GALNT11: variants seen among roughly 807,000 people sequenced by gnomAD.
GALNT11 encodes UDP-GalNAc:polypeptide N-acetylgalactosaminyltransferase 11.
In GALNT11, 47 loss-of-function variants were observed where a neutral mutation model predicts 72.7. That is an observed-to-expected ratio of 0.65 (90% CI 0.51 to 0.82). The LOEUF is 0.82. Ranked by LOEUF, GALNT11 falls within the 40% of genes least tolerant of loss-of-function variation. The pLI is 0.00. For missense variants in GALNT11, 677 were observed against 778.4 expected (o/e 0.87, Z 1.55); for synonymous variants, 270 against 286.6 (o/e 0.94, Z 0.58).
chr7:152,096,592 G>A (rs190276790), intron 2 of GALNT11, among the ~76,000 whole-genome samples: 32 of 151,924 alleles, frequency 2.1e-4, no homozygotes, highest in African/African-American at 7.7e-4. Context: ...GCAGGTGCCT[G>A]TAATCCCAGC....
chr7:152,040,798 C>T (rs2082821397), intron 1 of GALNT11, among the ~76,000 whole-genome samples: 1 of 152,180 alleles, frequency 6.6e-6, no homozygotes, highest in Non-Finnish European at 1.5e-5. Flanking sequence ...TTGAGCTGAA[C>T]CATAGGGCAT....
At chr7:152,060,637 C>T (rs1309408674) in intron 1 of GALNT11, among the ~76,000 whole-genome samples, 8 of 151,846 alleles carry the variant, frequency 5.3e-5, no homozygotes, top group East Asian at 1.9e-4. Context: ...CTCCACCCCA[C>T]GACAGACCCT....
At chr7:152,102,824 A>T (rs1047636952) in intron 3 of GALNT11, among the ~76,000 whole-genome samples, 1 of 151,442 alleles carries the variant, frequency 6.6e-6, no homozygotes, top group Non-Finnish European at 1.5e-5. Flanking sequence ...TCTACTAAAA[A>T]TGCAGAATTA....
chr7:152,085,155 A>G (rs2085566121), intron 1 of GALNT11, among the ~76,000 whole-genome samples: 1 of 152,094 alleles, frequency 6.6e-6, no homozygotes. Flanking sequence ...TAATCATCCC[A>G]CTGCATATAC....
At chr7:152,028,458 C>G (rs562377951) in intron 1 of GALNT11, among the ~76,000 whole-genome samples, 2 of 152,166 alleles carry the variant, frequency 1.3e-5, no homozygotes, top group South Asian at 2.1e-4. Flanking sequence ...ACCCAGTTAG[C>G]TAGTCACAGA....
intron 1 of GALNT11, 47 bp downstream of exon 1, chr7:152,025,931 G>T: frequency 1.7e-5 from 1 of 59,874 alleles, no homozygotes; most frequent in South Asian, 9.4e-5. Flanking sequence ...TCAGCACCTC[G>T]AGAGCTGCGG....
chr7:152,121,580 A>G lies in GALNT11; in HGVS notation c.1730A>G (p.Gln577Arg), dbSNP rs141840319. ...CGGCTATACCAGGTGTCGGTTGGACAGTGCCTGAGAGCAGTGGATCCCCTG... is the reference window on the plus strand; with the variant it reads ...CGGCTATACCAGGTGTCGGTTGGACGGTGCCTGAGAGCAGTGGATCCCCTG... The part of the protein sequence containing the change: ...NNRLYQVSVG[Q>R]CLRAVDPLGQ... Residue 577 changes from glutamine (Q) to arginine (R), a missense_variant, in exon 12 of 12, where the codon CAG becomes CGG. By Grantham distance (43) the Gln-to-Arg change is conservative. Transcript: ENST00000430044. 1.3e-4 allele frequency: 204 copies of G among 1,613,974 alleles called. 1 individual carries two copies. In the Admixed American group the frequency reaches 1.9e-3, roughly 15 times the overall value.
rs1346493015 is a variant in GALNT11, at chr7:152,046,256, G to A, written c.-39+20372G>A. Among the ~76,000 whole-genome samples the A allele has an allele frequency of 6.6e-5, 10 of 152,222 alleles. No homozygotes were observed. The East Asian group carries it at 1.9e-3, about 29-fold the overall frequency. On this transcript the variant is annotated intron_variant, in intron 1 of 11. Coordinates refer to ENST00000430044, the MANE Select transcript of GALNT11 (RefSeq NM_022087.4). ...TCCTTGAGGATGATCTATGTGTTGA[G>A]GAGAAGAATGCATATTCTGCAGCCA...
intron 1 of GALNT11, among the ~76,000 whole-genome samples, chr7:152,061,662 G>A (rs575154888): frequency 1.5e-4 from 23 of 152,216 alleles, no homozygotes; most frequent in African/African-American, 5.3e-4. Context: ...TAAGGTGTAA[G>A]GAAGGGATCC....
At chr7:152,033,676 A>G (rs1276149781) in intron 1 of GALNT11, among the ~76,000 whole-genome samples, 25 of 152,176 alleles carry the variant, frequency 1.6e-4, no homozygotes, top group Non-Finnish European at 1.5e-5. Context: ...TGAATAATTC[A>G]TGGGCTTTTT....
chr7:152,102,311 C>A (rs374246455), intron 3 of GALNT11, among the ~76,000 whole-genome samples: 2 of 151,552 alleles, frequency 1.3e-5, no homozygotes, highest in Non-Finnish European at 2.9e-5. Context: ...TGGGAGGGCG[C>A]GGTGGGTGGA....
At chr7:152,054,262 G>A (rs915060091) in intron 1 of GALNT11, among the ~76,000 whole-genome samples, 2 of 151,810 alleles carry the variant, frequency 1.3e-5, no homozygotes, top group African/African-American at 4.8e-5. Flanking sequence ...GAAAGAGTTG[G>A]TAAAAAGACA....
At chr7:152,051,210 T>TG (rs1340458265) in intron 1 of GALNT11, among the ~76,000 whole-genome samples, 29 of 146,228 alleles carry the variant, frequency 2.0e-4, no homozygotes, top group East Asian at 1.7e-3. Flanking sequence ...TTTTTTTTTT[T>TG]TTTTTTTTTT....
At position 152,077,005 on chromosome 7, in the gene GALNT11, G is replaced by C. The variant is rs192477494; in HGVS notation, c.-38-17185G>C. Among the ~76,000 whole-genome samples, 31 of 152,276 alleles carry C rather than the reference G, an allele frequency of 2.0e-4. No individual in the cohort carries two copies. In the East Asian group the frequency reaches 4.1e-3, roughly 20 times the overall value. On this transcript the variant is annotated intron_variant, in intron 1 of 11. Coordinates refer to ENST00000430044, the MANE Select transcript of GALNT11 (RefSeq NM_022087.4). ...ACTTTGGGTGGATGAGGTGAGGATC[G>C]CTTGAGCCCAGGAGTTGGAGGCTAC...
intron 1 of GALNT11, among the ~76,000 whole-genome samples, chr7:152,054,757 G>T (rs1423468789): frequency 1.3e-5 from 2 of 151,586 alleles, no homozygotes; most frequent in East Asian, 3.9e-4. Context: ...GGGCTCAAGC[G>T]ATCCGCCCAC....
At chr7:152,040,381 G>A (rs1480078698) in intron 1 of GALNT11, among the ~76,000 whole-genome samples, 5 of 152,190 alleles carry the variant, frequency 3.3e-5, no homozygotes, top group East Asian at 1.9e-4. Context: ...GATGAGGAAC[G>A]CACCACTTGG....
rs1485255260 is a variant in GALNT11, at chr7:152,122,290, T to A, written c.*613T>A. 6.6e-6 allele frequency: 1 copy of A among 152,230 alleles called. No individual in the cohort carries two copies. Among genetic ancestry groups the A allele is most frequent in the East Asian group, 1.9e-4 (1 of 5,200 alleles). 9.4% of individuals were successfully genotyped at this position (152,230 alleles called of 1,614,324 possible). A position where few individuals can be genotyped will look rare whatever the true frequency, so the allele number is the denominator to read the frequency against. On this transcript the variant is annotated 3_prime_UTR_variant, in exon 12 of 12. Transcript: ENST00000430044. ...ACAGTATGGCAGTTAATTATAAAAT[T>A]ATTTTGATGAATTATGATACAATCT... is the stretch of plus-strand genomic sequence containing the variant.
chr7:152,070,318 A>G (rs1414483544), intron 1 of GALNT11, among the ~76,000 whole-genome samples: 1 of 151,924 alleles, frequency 6.6e-6, no homozygotes, highest in Non-Finnish European at 1.5e-5. Flanking sequence ...TTAATTGGAC[A>G]TTTTATGTGA....
intron 3 of GALNT11, among the ~76,000 whole-genome samples, chr7:152,102,238 C>T (rs1259965328): frequency 6.6e-5 from 10 of 152,040 alleles, no homozygotes; most frequent in Non-Finnish European, 1.3e-4. Context: ...AAAAAAAACC[C>T]TGAAGTTTAA....
Sources: allele counts gnomAD v4.1 joint callset (sites outside exome capture counted in the v4.1 genomes callset), GRCh38; gene constraint gnomAD v4.1.1; transcripts MANE v1.5; gene names NCBI Gene and HGNC (gene_info 2026-07-23, HGNC 2026-07-21).